Variants in KIF16B observed in about 807,000 individuals in gnomAD.
KIF16B encodes kinesin family member 16B, also known as kinesin-like protein KIF16B.
A neutral mutation model predicts 156.3 loss-of-function variants in KIF16B; 98 were observed. That is an observed-to-expected ratio of 0.63 (90% confidence interval 0.53 to 0.74). The LOEUF is 0.74. Ranked by LOEUF, KIF16B falls within the 30% of genes least tolerant of loss-of-function variation. The pLI is 0.00. For synonymous variants in KIF16B, 564 were observed against 583.7 expected (o/e 0.97, Z 0.49); for missense variants, 1,421 against 1,606.5 (o/e 0.88, Z 1.97).
At chr20:16,350,334 T>A (rs1398692951) in intron 23 of KIF16B, among the ~76,000 whole-genome samples, 4 of 152,100 alleles carry the variant, frequency 2.6e-5, no homozygotes, top group Non-Finnish European at 5.9e-5. Flanking sequence ...GAGATGACAA[T>A]GGGACACGTG....
chr20:16,277,986 A>T (rs955331247), intron 25 of KIF16B, among the ~76,000 whole-genome samples: 3 of 152,270 alleles, frequency 2.0e-5, no homozygotes, highest in African/African-American at 7.2e-5. Context: ...CACTGAGAAC[A>T]GCAAAAGCAC....
chr20:16,370,544 T>C (rs776231225), intron 22 of KIF16B, 42 bp downstream of exon 22: 3 of 1,494,890 alleles, frequency 2.0e-6, no homozygotes, highest in Middle Eastern at 1.7e-4. Context: ...GAGCATGCCA[T>C]AATTTAAGGC....
chr20:16,409,052 A>C (rs2065856735), intron 15 of KIF16B, among the ~76,000 whole-genome samples: 1 of 152,142 alleles, frequency 6.6e-6, no homozygotes. Flanking sequence ...GAGATAAATA[A>C]TCAAATAATG....
At chr20:16,449,356 G>T (rs141586938) in intron 12 of KIF16B, among the ~76,000 whole-genome samples, 4 of 152,042 alleles carry the variant, frequency 2.6e-5, no homozygotes, top group Admixed American at 2.6e-4. Flanking sequence ...AAAATGTTAC[G>T]CCAATGAAAG....
intron 22 of KIF16B, among the ~76,000 whole-genome samples, chr20:16,357,887 T>C (rs1017854784): frequency 1.3e-5 from 2 of 152,200 alleles, no homozygotes; most frequent in Non-Finnish European, 1.5e-5. Flanking sequence ...TAGCTATCCC[T>C]GATATCAAAA....
chr20:16,467,434 A>G (rs2067524079), intron 12 of KIF16B, among the ~76,000 whole-genome samples: 1 of 152,220 alleles, frequency 6.6e-6, no homozygotes, highest in Non-Finnish European at 1.5e-5. Context: ...AGACTGAAAA[A>G]CATCAGAACC....
Position 16,380,085 on chromosome 20 carries a change from G to T in KIF16B, c.1917C>A (p.Thr639=). Residue 639 remains threonine (T), a synonymous_variant, in exon 19 of 26, where the codon ACC becomes ACA. Coordinates refer to ENST00000354981, the MANE Select transcript of KIF16B (RefSeq NM_024704.5). ...ELERMQQEVE[T]QRKETEIVQL... ...GCACGATTTCTGTCTCCTTGCGCTG[G>T]GTCTCCACCTCCTGCTGCATCCGCT... 1 of 1,535,812 alleles carries T rather than the reference G, an allele frequency of 6.5e-7. No homozygotes were observed. Among genetic ancestry groups the T allele is most frequent in the African/African-American group, 1.4e-5 (1 of 72,060 alleles).
chr20:16,567,255 C>T (rs983035635), intron 1 of KIF16B, among the ~76,000 whole-genome samples: 6 of 152,140 alleles, frequency 3.9e-5, no homozygotes, highest in African/African-American at 9.7e-5. Context: ...GCTGACAATG[C>T]CAACTTCCAA....
chr20:16,533,699 T>A (rs777809532), intron 1 of KIF16B, among the ~76,000 whole-genome samples: 1 of 152,226 alleles, frequency 6.6e-6, no homozygotes, highest in Non-Finnish European at 1.5e-5. Context: ...AGATGTCATG[T>A]GAATGTCATG....
At chr20:16,424,387 G>A (rs146834608) in intron 15 of KIF16B, among the ~76,000 whole-genome samples, 1 of 152,188 alleles carries the variant, frequency 6.6e-6, no homozygotes, top group East Asian at 1.9e-4. Context: ...CCTGGTCCAT[G>A]CTATGTTTCC....
chr20:16,341,770 G>T (rs2064143374), intron 23 of KIF16B, among the ~76,000 whole-genome samples: 1 of 152,192 alleles, frequency 6.6e-6, no homozygotes, highest in South Asian at 2.1e-4. Flanking sequence ...GAACTGTGAT[G>T]CAGGTTAAGG....
intron 25 of KIF16B, among the ~76,000 whole-genome samples, chr20:16,281,408 G>C (rs752870021): frequency 6.6e-6 from 1 of 152,090 alleles, no homozygotes; most frequent in Non-Finnish European, 1.5e-5. Context: ...GATGGATCAG[G>C]CCTGAATGGA....
chr20:16,307,777 T>C (rs1456548281), intron 25 of KIF16B, among the ~76,000 whole-genome samples: 2 of 152,192 alleles, frequency 1.3e-5, no homozygotes, highest in Non-Finnish European at 2.9e-5. Flanking sequence ...AAGTACCTGG[T>C]CCTTTACCAC....
intron 15 of KIF16B, among the ~76,000 whole-genome samples, chr20:16,406,860 A>C (rs2065799395): frequency 6.6e-6 from 1 of 152,198 alleles, no homozygotes; most frequent in Non-Finnish European, 1.5e-5. Context: ...TGATACTGGT[A>C]AAAGTAGAAA....
intron 12 of KIF16B, among the ~76,000 whole-genome samples, chr20:16,436,470 G>A (rs2066643725): frequency 6.6e-6 from 1 of 152,156 alleles, no homozygotes; most frequent in Admixed American, 6.5e-5. Flanking sequence ...ACAAGAGAGA[G>A]TCAGCTCAGC....
intron 12 of KIF16B, among the ~76,000 whole-genome samples, chr20:16,459,903 G>A (rs1395730025): frequency 6.6e-6 from 1 of 152,082 alleles, no homozygotes; most frequent in Non-Finnish European, 1.5e-5. Context: ...TACTCATCTA[G>A]TTTCTAGATA....
chr20:16,560,982 CT>C, intron 1 of KIF16B, among the ~76,000 whole-genome samples: 1 of 151,992 alleles, frequency 6.6e-6, no homozygotes, highest in South Asian at 2.1e-4. Flanking sequence ...TAACAATCAT[CT>C]TTTTTTAAAA....
chr20:16,368,553 A>G, intron 22 of KIF16B: 4 of 985,990 alleles, frequency 4.1e-6, no homozygotes, highest in Non-Finnish European at 4.8e-6. Flanking sequence ...GAAGCAGGTG[A>G]CTGCTGGTAT....
Position 16,379,066 on chromosome 20 carries a change from A to C in KIF16B, c.2936T>G (p.Ile979Ser), listed in dbSNP as rs145948145. The change falls in exon 19 of 26, where the codon ATT (isoleucine) becomes AGT (serine). Residue 979 changes from isoleucine (I) to serine (S), a missense_variant. Physicochemically the swap from Ile to Ser is moderately radical, Grantham distance 142. Transcript: ENST00000354981. ...CCTCACTTTTTCCTCCTGACGTGCAATGTTGGCAGTGAATTCAAAGGTGGC... is the reference window on the plus strand; with the variant it reads ...CCTCACTTTTTCCTCCTGACGTGCACTGTTGGCAGTGAATTCAAAGGTGGC... ...LQATFEFTANIARQEEKVRKK... is the reference protein window; with the variant it reads ...LQATFEFTANSARQEEKVRKK... 1.2e-5 allele frequency: 20 copies of C among 1,611,726 alleles called. No homozygotes were observed. The highest frequency in any genetic ancestry group is 8.5e-7 in the Non-Finnish European group (1 of 1,178,600).
Sources: gnomAD v4.1 joint callset for allele counts (sites outside exome capture counted in the v4.1 genomes callset) on GRCh38, gnomAD v4.1.1 for gene constraint, MANE v1.5 for transcripts, NCBI Gene and HGNC (gene_info 2026-07-23, HGNC 2026-07-21) for gene names.